The following TLN2 variants were observed in gnomAD, a reference collection of about 807,000 sequenced individuals.
TLN2 encodes talin 2, also known as talin-2.
A neutral mutation model predicts 294.7 loss-of-function variants in TLN2; 118 were observed. The ratio of observed to expected loss-of-function variants is 0.40; its 90% confidence interval spans 0.34 to 0.47. TLN2 has a LOEUF of 0.47. TLN2 is among the 20% of genes least tolerant of loss of function. TLN2 has a pLI of 0.84. For synonymous variants in TLN2, 1,431 were observed against 1,304.5 expected, an observed-to-expected ratio of 1.10 and a Z score of -2.09; for missense variants, 3,083 against 3,282.2, an observed-to-expected ratio of 0.94 and a Z score of 1.48.
intron 1 of TLN2, among the ~76,000 whole-genome samples, chr15:62,533,253 CAAAAAA>C (rs10650730): frequency 3.9e-5 from 2 of 51,424 alleles, no homozygotes; most frequent in African/African-American, 1.6e-4. Flanking sequence ...GACTCTGTCT[CAAAAAA>C]AAAAAAAAAA....
At chr15:62,505,395 T>A (rs2039561825) in intron 1 of TLN2, among the ~76,000 whole-genome samples, 1 of 152,232 alleles carries the variant, frequency 6.6e-6, no homozygotes, top group South Asian at 2.1e-4. Context: ...AAATCTGGCT[T>A]ACATTGATTT....
intron 7 of TLN2, among the ~76,000 whole-genome samples, chr15:62,655,187 G>T (rs2053069497): frequency 1.3e-5 from 2 of 152,140 alleles, no homozygotes; most frequent in South Asian, 4.2e-4. Flanking sequence ...GGTACTGTGG[G>T]AGATGTGGGA....
chr15:62,698,890 C>T, intron 16 of TLN2, 23 bp downstream of exon 16: 1 of 1,601,030 alleles, frequency 6.2e-7, no homozygotes, highest in South Asian at 1.1e-5. Flanking sequence ...CAGTGGTTTT[C>T]ATGCCAAGTC....
At chr15:62,544,414 A>G (rs2041873644) in intron 1 of TLN2, among the ~76,000 whole-genome samples, 1 of 152,106 alleles carries the variant, frequency 6.6e-6, no homozygotes. Context: ...AAAAGGTTAT[A>G]AGTGGTGATT....
At chr15:62,774,285 G>A (rs1243290523) in intron 42 of TLN2, among the ~76,000 whole-genome samples, 1 of 152,168 alleles carries the variant, frequency 6.6e-6, no homozygotes, top group East Asian at 1.9e-4. Context: ...CTTCAGACAT[G>A]TGTCTGAAAA....
At chr15:62,795,250 G>C (rs995340042) in intron 46 of TLN2, among the ~76,000 whole-genome samples, 4 of 152,176 alleles carry the variant, frequency 2.6e-5, no homozygotes, top group Admixed American at 6.5e-5. Context: ...GTTGCAGGCA[G>C]AGCGCAGACC....
At chr15:62,624,549 C>G (rs1463287514) in intron 3 of TLN2, among the ~76,000 whole-genome samples, 1 of 152,216 alleles carries the variant, frequency 6.6e-6, no homozygotes, top group East Asian at 1.9e-4. Context: ...AAGATTTTCT[C>G]TTTTAGGTGC....
intron 1 of TLN2, among the ~76,000 whole-genome samples, chr15:62,445,330 C>T (rs1439003817): frequency 1.3e-5 from 2 of 152,144 alleles, no homozygotes; most frequent in Non-Finnish European, 2.9e-5. Flanking sequence ...TCTCCTGCCC[C>T]CAAGCAACTC....
chr15:62,667,566 C>G (rs1020177805), intron 9 of TLN2, among the ~76,000 whole-genome samples: 1 of 152,120 alleles, frequency 6.6e-6, no homozygotes, highest in Non-Finnish European at 1.5e-5. Context: ...CCCTTGTTTT[C>G]AATTCGTATG....
intron 3 of TLN2, among the ~76,000 whole-genome samples, chr15:62,621,042 T>C (rs1233932741): frequency 1.3e-5 from 2 of 151,816 alleles, no homozygotes; most frequent in Middle Eastern, 3.4e-3. Context: ...GGTTTCACCA[T>C]GTTAGCCAGG....
chr15:62,698,055 T>C (rs2058475122), intron 15 of TLN2, among the ~76,000 whole-genome samples, 187 bp downstream of exon 15: 1 of 152,196 alleles, frequency 6.6e-6, no homozygotes, highest in Non-Finnish European at 1.5e-5. Context: ...ATCGGAGGTG[T>C]CCTCTGTGAC....
chr15:62,403,958 C>A (rs2033214080), intron 1 of TLN2, among the ~76,000 whole-genome samples: 1 of 152,186 alleles, frequency 6.6e-6, no homozygotes, highest in Admixed American at 6.5e-5. Context: ...ATCATCTCTG[C>A]CGCTGTATCC....
At chr15:62,669,966 G>C (rs1444438408) in intron 9 of TLN2, among the ~76,000 whole-genome samples, 3 of 152,140 alleles carry the variant, frequency 2.0e-5, no homozygotes, top group African/African-American at 7.2e-5. Context: ...GTTGGTTTTA[G>C]TAACTCCTGA....
chr15:62,819,000 T>A (rs1040122233), intron 52 of TLN2, among the ~76,000 whole-genome samples: 3 of 152,010 alleles, frequency 2.0e-5, no homozygotes, highest in Admixed American at 6.6e-5. Context: ...GGACTACAGG[T>A]GTGTGCCACC....
intron 2 of TLN2, among the ~76,000 whole-genome samples, chr15:62,606,105 G>C (rs541359947): frequency 6.6e-6 from 1 of 151,928 alleles, no homozygotes; most frequent in Non-Finnish European, 1.5e-5. Flanking sequence ...TTTTTGAGAC[G>C]GAGTCTCACT....
At chr15:62,419,352 C>T in intron 1 of TLN2, among the ~76,000 whole-genome samples, 1 of 152,146 alleles carries the variant, frequency 6.6e-6, no homozygotes, top group Non-Finnish European at 1.5e-5. Context: ...GACAGTGTTG[C>T]CCTAGGCCTT....
intron 1 of TLN2, among the ~76,000 whole-genome samples, chr15:62,515,372 C>T (rs1209382816): frequency 6.6e-6 from 1 of 152,196 alleles, no homozygotes; most frequent in African/African-American, 2.4e-5. Flanking sequence ...TTTACTGTCA[C>T]TGGAAATTTG....
chr15:62,815,211 A>T (rs1434238018), intron 52 of TLN2, among the ~76,000 whole-genome samples: 4 of 151,096 alleles, frequency 2.6e-5, no homozygotes, highest in African/African-American at 4.9e-5. Context: ...ACACACACAC[A>T]CACACACACA....
chr15:62,468,709 C>T (rs978727790), intron 1 of TLN2, among the ~76,000 whole-genome samples: 1 of 148,892 alleles, frequency 6.7e-6, no homozygotes, highest in Admixed American at 6.8e-5. Flanking sequence ...TGCACCACTG[C>T]ACTCCAGCCT....
Sources: allele counts gnomAD v4.1 joint callset (sites outside exome capture counted in the v4.1 genomes callset), GRCh38; gene constraint gnomAD v4.1.1; transcripts MANE v1.5; gene names NCBI Gene and HGNC (gene_info 2026-07-23, HGNC 2026-07-21).